Variants in PRH1 observed in about 807,000 individuals in gnomAD.
The protein encoded by PRH1 is proline rich protein HaeIII subfamily 1, also known as salivary acidic proline-rich phosphoprotein 1/2.
PRH1 carries 7 observed loss-of-function variants against 7.9 expected under a neutral mutation model. That is an observed-to-expected ratio of 0.89 (90% CI 0.50 to 1.67). PRH1 has a LOEUF of 1.67. Among genes scored for constraint, PRH1 ranks in the 40% most tolerant of loss-of-function variants. The pLI, the probability that PRH1 is intolerant of heterozygous loss-of-function variation, is 0.00. For missense variants in PRH1, 109 were observed against 223.6 expected, an observed-to-expected ratio of 0.49 and a Z score of 3.27; for synonymous variants, 45 against 80.8, an observed-to-expected ratio of 0.56 and a Z score of 2.38.
intron 1 of PRH1, among the ~76,000 whole-genome samples, chr12:11,163,801 T>C (rs1947487497): frequency 6.6e-6 from 1 of 152,208 alleles, no homozygotes. Flanking sequence ...GATTTTTTAC[T>C]CTACCATATA....
At chr12:11,160,160 AG>A (rs1255520919) in intron 1 of PRH1, among the ~76,000 whole-genome samples, 1 of 152,216 alleles carries the variant, frequency 6.6e-6, no homozygotes, top group Non-Finnish European at 1.5e-5. Context: ...AGAAATTGTT[AG>A]AAATAACATT....
intron 2 of PRH1, among the ~76,000 whole-genome samples, chr12:10,956,183 C>G (rs1937946355): frequency 6.6e-6 from 1 of 152,070 alleles, no homozygotes; most frequent in Non-Finnish European, 1.5e-5. Flanking sequence ...CCACAAAATG[C>G]CAGCAAGTTG....
downstream of PRH1, among the ~76,000 whole-genome samples, chr12:11,117,992 A>G (rs1945778406): frequency 6.6e-6 from 1 of 152,202 alleles, no homozygotes; most frequent in Non-Finnish European, 1.5e-5. Flanking sequence ...TCCCCAGGAC[A>G]TTGGTTTGAG....
In PRH1 at chr12:11,091,089, T is replaced by C. The variant is rs1441315410; in HGVS notation, n.124-43901A>G. Among the ~76,000 whole-genome samples the C allele has an allele frequency of 2.9e-4, 8 of 27,396 alleles. 2 individuals carry two copies. Among genetic ancestry groups the C allele is most frequent in the Non-Finnish European group, 6.2e-4 (6 of 9,690 alleles). The allele number at this position is 27,396 out of a possible 152,430, so 18.0% of individuals were successfully genotyped here. Reference sequence around the variant, plus strand: ...TGTTGTTGTCAATGTTAAGTTTTCATACACAAATACACACACACACACACA... The same window carrying C: ...TGTTGTTGTCAATGTTAAGTTTTCACACACAAATACACACACACACACACA... On this transcript the variant is annotated intron_variant and non_coding_transcript_variant, in intron 1 of 4. Coordinates refer to the PRH1 transcript ENST00000541977.
chr12:11,027,143 C>A (rs1941957711), intron 1 of PRH1, among the ~76,000 whole-genome samples: 1 of 151,470 alleles, frequency 6.6e-6, no homozygotes, highest in Admixed American at 6.6e-5. Flanking sequence ...TGTGCCCCTG[C>A]AGTCCCAGCT....
chr12:10,926,446 T>A (rs1333204669), intron 2 of PRH1, among the ~76,000 whole-genome samples: 1 of 152,186 alleles, frequency 6.6e-6, no homozygotes, highest in African/African-American at 2.4e-5. Flanking sequence ...TTTAGTCATG[T>A]GGGTGTGAAA....
chr12:10,971,517 A>G (rs7302227), intron 2 of PRH1, among the ~76,000 whole-genome samples: 36,953 of 151,910 alleles, frequency 0.24, 4,541 homozygotes, highest in Non-Finnish European at 0.25. Context: ...TATCACTGAT[A>G]GACATTTGAG....
At chr12:11,160,397 C>T (rs893587850) in intron 1 of PRH1, among the ~76,000 whole-genome samples, 1 of 152,110 alleles carries the variant, frequency 6.6e-6, no homozygotes, top group Non-Finnish European at 1.5e-5. Context: ...GATACAAATG[C>T]TTCAGTGAAG....
intron 1 of PRH1, among the ~76,000 whole-genome samples, chr12:11,010,119 T>C (rs529744426): frequency 1.3e-5 from 2 of 152,154 alleles, no homozygotes; most frequent in African/African-American, 4.8e-5. Context: ...AATTACTTGC[T>C]TAAGCAATGC....
At chr12:10,913,376 A>T (rs894358162) in intron 2 of PRH1, among the ~76,000 whole-genome samples, 2 of 151,914 alleles carry the variant, frequency 1.3e-5, no homozygotes, top group Non-Finnish European at 2.9e-5. Context: ...AATGGCAGGA[A>T]CCTGGGAGGT....
At chr12:11,106,964 C>T (rs1432159879) in intron 1 of PRH1, among the ~76,000 whole-genome samples, 8 of 152,050 alleles carry the variant, frequency 5.3e-5, no homozygotes, top group African/African-American at 1.7e-4. Flanking sequence ...TTTGTATGAT[C>T]GTGTGTTACT....
At chr12:10,921,043 A>G (rs1387494966) in intron 2 of PRH1, among the ~76,000 whole-genome samples, 1 of 152,012 alleles carries the variant, frequency 6.6e-6, no homozygotes, top group Non-Finnish European at 1.5e-5. Flanking sequence ...GAATCTTTTC[A>G]TTTGTAATAT....
At chr12:11,152,781 T>C (rs1463169496) in intron 1 of PRH1, among the ~76,000 whole-genome samples, 2 of 152,192 alleles carry the variant, frequency 1.3e-5, no homozygotes, top group African/African-American at 2.4e-5. Context: ...GCAGAATGTA[T>C]ATGAGCAGAG....
At chr12:11,067,583 C>T (rs1457265266) in intron 1 of PRH1, among the ~76,000 whole-genome samples, 1 of 152,124 alleles carries the variant, frequency 6.6e-6, no homozygotes, top group Non-Finnish European at 1.5e-5. Context: ...AGTTTCAGGG[C>T]AGGTCTAGTG....
At chr12:11,071,734 G>A (rs1329375278) in intron 1 of PRH1, among the ~76,000 whole-genome samples, 1 of 152,082 alleles carries the variant, frequency 6.6e-6, no homozygotes, top group Admixed American at 6.5e-5. Context: ...AAGTGGCCCG[G>A]ATGCTCGGCT....
At chr12:11,003,250 C>A (rs1200889440) in intron 1 of PRH1, among the ~76,000 whole-genome samples, 1 of 151,810 alleles carries the variant, frequency 6.6e-6, no homozygotes, top group Non-Finnish European at 1.5e-5. Context: ...ATTGTTTCAG[C>A]CTAGTTTTAT....
At chr12:11,111,105 A>G (rs760900753) in intron 1 of PRH1, among the ~76,000 whole-genome samples, 5 of 152,242 alleles carry the variant, frequency 3.3e-5, no homozygotes, top group East Asian at 1.9e-4. Flanking sequence ...AGAGCTAACT[A>G]TCCTAAATAT....
intron 1 of PRH1, among the ~76,000 whole-genome samples, chr12:11,108,577 C>G (rs528319958): frequency 1.3e-5 from 2 of 152,280 alleles, no homozygotes; most frequent in Admixed American, 6.5e-5. Context: ...CGGGGAACTC[C>G]CTCTCCTAGC....
At chr12:11,142,323 T>C (rs1163315648) in intron 1 of PRH1, among the ~76,000 whole-genome samples, 1 of 152,196 alleles carries the variant, frequency 6.6e-6, no homozygotes, top group African/African-American at 2.4e-5. Context: ...AGAAGACTTT[T>C]TTCACAGAAA....
Sources: gnomAD v4.1 joint callset for allele counts (sites outside exome capture counted in the v4.1 genomes callset) on GRCh38, gnomAD v4.1.1 for gene constraint, MANE v1.5 for transcripts, NCBI Gene and HGNC (gene_info 2026-07-23, HGNC 2026-07-21) for gene names.